The following TFG variants were observed in gnomAD, a reference collection of about 807,000 sequenced individuals.
TFG encodes protein TFG.
A neutral mutation model predicts 51.4 loss-of-function variants in TFG; 22 were observed. The observed-to-expected ratio is 0.43, with a 90% CI of 0.31 to 0.61. The LOEUF is 0.61. TFG is among the 20% of genes least tolerant of loss of function. The probability of loss-of-function intolerance (pLI) is 0.12; values close to 1 mark genes in which losing one functional copy is unlikely to be tolerated. For missense variants in TFG, 419 were observed against 487.7 expected, an observed-to-expected ratio of 0.86 and a Z score of 1.33; for synonymous variants, 187 against 165.6, an observed-to-expected ratio of 1.13 and a Z score of -0.99.
intron 2 of TFG, among the ~76,000 whole-genome samples, chr3:100,716,775 T>G (rs916617759): frequency 6.6e-6 from 1 of 152,180 alleles, no homozygotes; most frequent in African/African-American, 2.4e-5. Flanking sequence ...CTGATATGTG[T>G]GCATTTCCCT....
chr3:100,709,919 CT>C (rs1215639328), intron 1 of TFG, 198 bp downstream of exon 1: 1 of 79,760 alleles, frequency 1.3e-5, no homozygotes, highest in East Asian at 3.5e-4. Flanking sequence ...CGGGCGGGGC[CT>C]TGCATGGGGG....
rs2095107263 is a variant in TFG, at chr3:100,736,637, C to T, written c.642C>T (p.Ser214=). 1 of 1,613,900 alleles carries T rather than the reference C, an allele frequency of 6.2e-7. No individual in the cohort carries two copies. The highest frequency in any genetic ancestry group is 1.3e-5 in the African/African-American group (1 of 74,898). ...SGTPDSIASS[S]SAAHPPGVQP... ...CACCCGACAGCATTGCTTCCTCCTC[C>T]TCAGCAGCTCACCCACCAGGCGTTC... Residue 214 remains serine (S), a synonymous_variant, in exon 6 of 8, where the codon TCC becomes TCT. Transcript: ENST00000240851.
At chr3:100,734,433 TC>T (rs747127184) in intron 5 of TFG, among the ~76,000 whole-genome samples, 8 of 152,154 alleles carry the variant, frequency 5.3e-5, no homozygotes, top group Non-Finnish European at 8.8e-5. Flanking sequence ...CACCTTCACT[TC>T]CGGGATTTTC....
chr3:100,730,044 T>G (rs1266673465), intron 4 of TFG, among the ~76,000 whole-genome samples: 1 of 152,136 alleles, frequency 6.6e-6, no homozygotes, highest in Admixed American at 6.5e-5. Flanking sequence ...GCCCTACCTC[T>G]CCAAACAAAA....
At chr3:100,734,400 C>T (rs1353948761) in intron 5 of TFG, among the ~76,000 whole-genome samples, 2 of 152,068 alleles carry the variant, frequency 1.3e-5, no homozygotes, top group African/African-American at 2.4e-5. Flanking sequence ...ATACCTAGAT[C>T]GTGGGTCTTA....
intron 4 of TFG, among the ~76,000 whole-genome samples, chr3:100,732,098 T>C (rs748305210): frequency 6.6e-6 from 1 of 152,146 alleles, no homozygotes; most frequent in Non-Finnish European, 1.5e-5. Flanking sequence ...CAGTTTCTTT[T>C]TATAAAATAA....
intron 3 of TFG, among the ~76,000 whole-genome samples, chr3:100,726,009 C>A (rs182556158): frequency 6.6e-6 from 1 of 152,030 alleles, no homozygotes; most frequent in African/African-American, 2.4e-5. Context: ...AGGCGAAGTC[C>A]GGTGATAGGC....
chr3:100,715,139 TTC>T (rs2095042123), intron 2 of TFG, among the ~76,000 whole-genome samples: 1 of 152,228 alleles, frequency 6.6e-6, no homozygotes, highest in African/African-American at 2.4e-5. Context: ...TAACAGTTTT[TTC>T]TCTGTCTGTG....
intron 2 of TFG, among the ~76,000 whole-genome samples, chr3:100,714,527 A>G (rs1226451219): frequency 6.6e-6 from 1 of 151,682 alleles, no homozygotes. Context: ...TAATTGGTTT[A>G]TTAGAAGGGA....
rs976095207 is a variant in TFG, at chr3:100,748,132, T to C, written c.821-17T>C. 18 of 1,605,436 alleles carry C rather than the reference T, an allele frequency of 1.1e-5. No homozygotes were observed. Among genetic ancestry groups the C allele is most frequent in the Non-Finnish European group, 1.4e-5 (17 of 1,175,542 alleles). ...TACTAAAAGATAAGATACATGTTAT[T>C]TATTTTGCCTTTTCAGCAAGCTATA... is the stretch of plus-strand genomic sequence containing the variant. On this transcript the variant is annotated splice_polypyrimidine_tract_variant and intron_variant, in intron 7 of 7. Transcript: ENST00000240851.
At chr3:100,728,180 T>A (rs553569290) in intron 3 of TFG, among the ~76,000 whole-genome samples, 1 of 152,278 alleles carries the variant, frequency 6.6e-6, no homozygotes, top group South Asian at 2.1e-4. Flanking sequence ...GCTATTTTAG[T>A]TAGCTGTTTT....
At chr3:100,744,063 CAG>C (rs1419193900) in intron 6 of TFG, 1 of 151,802 alleles carries the variant, frequency 6.6e-6, no homozygotes, top group African/African-American at 2.4e-5. Context: ...GGTATGGGAA[CAG>C]ATTGTGAGGA....
At chr3:100,732,447 A>G in intron 4 of TFG, 61 bp from the exon 5 acceptor site, 1 of 1,219,310 alleles carries the variant, frequency 8.2e-7, no homozygotes, top group Admixed American at 2.2e-5. Context: ...TTGTACTTTT[A>G]GGCCTTACTG....
chr3:100,718,015 C>A (rs531817689), intron 2 of TFG, among the ~76,000 whole-genome samples: 1 of 152,064 alleles, frequency 6.6e-6, no homozygotes, highest in Non-Finnish European at 1.5e-5. Context: ...GCCTTGAACT[C>A]CTGGGCTCAA....
intron 3 of TFG, 144 bp downstream of exon 3, chr3:100,720,202 A>C: frequency 1.9e-6 from 1 of 533,004 alleles, no homozygotes; most frequent in Non-Finnish European, 3.3e-6. Context: ...GTTGTTTTAG[A>C]TTACTTGAAG....
At chr3:100,728,140 A>G (rs2095081007) in intron 3 of TFG, among the ~76,000 whole-genome samples, 1 of 151,922 alleles carries the variant, frequency 6.6e-6, no homozygotes, top group Non-Finnish European at 1.5e-5. Context: ...GGCCCTGCAT[A>G]TATTTTTTTA....
intron 3 of TFG, among the ~76,000 whole-genome samples, chr3:100,727,842 T>A (rs1164666092): frequency 1.3e-5 from 2 of 152,208 alleles, no homozygotes; most frequent in Admixed American, 6.5e-5. Flanking sequence ...ATTTATTTTT[T>A]AAAATTTTTT....
chr3:100,742,287 TCTACCATAGG>T (rs1399591068), intron 6 of TFG, among the ~76,000 whole-genome samples: 1 of 152,148 alleles, frequency 6.6e-6, no homozygotes, highest in Non-Finnish European at 1.5e-5. Flanking sequence ...GGAAATCAGT[TCTACCATAGG>T]CTAATTGATA....
chr3:100,724,875 G>A (rs1421156409), intron 3 of TFG, among the ~76,000 whole-genome samples: 1 of 152,192 alleles, frequency 6.6e-6, no homozygotes, highest in Non-Finnish European at 1.5e-5. Context: ...TCTCAATCAT[G>A]TTGAAAAGTC....
Sources: allele counts gnomAD v4.1 joint callset (sites outside exome capture counted in the v4.1 genomes callset), GRCh38; gene constraint gnomAD v4.1.1; transcripts MANE v1.5; gene names NCBI Gene and HGNC (gene_info 2026-07-23, HGNC 2026-07-21).